The following PTPRD variants were observed in gnomAD, a reference collection of about 807,000 sequenced individuals.
PTPRD encodes the protein receptor-type tyrosine-protein phosphatase delta.
Under a neutral mutation model 214.5 loss-of-function variants are expected in PTPRD, and 34 were observed. The ratio of observed to expected loss-of-function variants is 0.16; its 90% CI spans 0.12 to 0.21. The LOEUF (loss-of-function observed/expected upper bound fraction) is 0.21. Ranked by LOEUF, PTPRD falls within the 10% of genes least tolerant of loss-of-function variation. The pLI is 1.00. For missense variants in PTPRD, 2,545 were observed against 2,398.7 expected (o/e 1.06, Z -1.27); for synonymous variants, 1,128 against 845.7 (o/e 1.33, Z -5.79).
intron 7 of PTPRD, among the ~76,000 whole-genome samples, chr9:9,697,626 G>C (rs1193797928): frequency 3.3e-5 from 5 of 151,888 alleles, no homozygotes; most frequent in African/African-American, 4.8e-5. Context: ...TTTTGTGTTT[G>C]ACCTTTGAGA....
intron 10 of PTPRD, among the ~76,000 whole-genome samples, chr9:9,096,932 A>C (rs918911672): frequency 4.6e-5 from 7 of 152,178 alleles, no homozygotes; most frequent in African/African-American, 1.7e-4. Flanking sequence ...TGCTGAAGTC[A>C]CTGCTTTTAT....
chr9:9,317,856 G>A (rs969583495), intron 9 of PTPRD, among the ~76,000 whole-genome samples: 13 of 151,942 alleles, frequency 8.6e-5, no homozygotes, highest in African/African-American at 2.7e-4. Flanking sequence ...AATCTATCAG[G>A]AAGAAAAACA....
chr9:10,478,060 A>G (rs2099074571), intron 2 of PTPRD, among the ~76,000 whole-genome samples: 1 of 151,994 alleles, frequency 6.6e-6, no homozygotes, highest in Non-Finnish European at 1.5e-5. Context: ...ACAGGTTGAT[A>G]GGTGCAGGAA....
At chr9:10,196,031 A>T (rs1268895475) in intron 3 of PTPRD, among the ~76,000 whole-genome samples, 2 of 152,192 alleles carry the variant, frequency 1.3e-5, no homozygotes, top group Non-Finnish European at 2.9e-5. Context: ...TAGAAAGGCA[A>T]GAAAGAACTC....
intron 10 of PTPRD, among the ~76,000 whole-genome samples, chr9:9,064,852 A>G (rs2099723043): frequency 1.3e-5 from 2 of 152,248 alleles, no homozygotes; most frequent in Non-Finnish European, 2.9e-5. Flanking sequence ...TGAAATAAGC[A>G]AATAGCTTAT....
At chr9:9,968,570 C>A (rs935214310) in intron 4 of PTPRD, among the ~76,000 whole-genome samples, 2 of 152,040 alleles carry the variant, frequency 1.3e-5, no homozygotes, top group Non-Finnish European at 2.9e-5. Flanking sequence ...AAGCAGAGAG[C>A]ACCAAAAAGA....
intron 12 of PTPRD, among the ~76,000 whole-genome samples, chr9:8,714,495 A>T (rs1467074085): frequency 6.6e-6 from 1 of 152,172 alleles, no homozygotes; most frequent in African/African-American, 2.4e-5. Context: ...ACCTCCAGAT[A>T]GCTTGGTGCG....
chr9:8,848,927 A>T (rs985577733), intron 11 of PTPRD, among the ~76,000 whole-genome samples: 1 of 150,796 alleles, frequency 6.6e-6, no homozygotes, highest in African/African-American at 2.4e-5. Context: ...ACTAAAGGTG[A>T]GGTACTGAGC....
chr9:10,437,029 A>G (rs2098723071), intron 2 of PTPRD, among the ~76,000 whole-genome samples: 1 of 151,782 alleles, frequency 6.6e-6, no homozygotes, highest in Non-Finnish European at 1.5e-5. Flanking sequence ...CTGCTGAGAT[A>G]AGTATATATG....
intron 3 of PTPRD, among the ~76,000 whole-genome samples, chr9:10,257,623 G>T (rs1272658266): frequency 6.6e-6 from 1 of 152,120 alleles, no homozygotes; most frequent in Non-Finnish European, 1.5e-5. Flanking sequence ...TTCATCCTTT[G>T]CTTCCTCTCT....
At chr9:9,548,937 C>T (rs991629783) in intron 8 of PTPRD, among the ~76,000 whole-genome samples, 2 of 152,046 alleles carry the variant, frequency 1.3e-5, no homozygotes, top group East Asian at 1.9e-4. Context: ...TTCACTCTTG[C>T]TCTCAGTAAT....
chr9:9,188,592 C>G (rs1197690883), intron 9 of PTPRD, among the ~76,000 whole-genome samples: 1 of 151,932 alleles, frequency 6.6e-6, no homozygotes, highest in Non-Finnish European at 1.5e-5. Context: ...AAGGCTTGGA[C>G]TAGAAAAGGG....
chr9:10,374,133 G>A (rs1052817768), intron 2 of PTPRD, among the ~76,000 whole-genome samples: 2 of 151,950 alleles, frequency 1.3e-5, no homozygotes, highest in East Asian at 1.9e-4. Flanking sequence ...CCTTTTGAGG[G>A]TCCTCTTTGC....
At chr9:9,764,883 C>T (rs1388012439) in intron 6 of PTPRD, among the ~76,000 whole-genome samples, 1 of 152,096 alleles carries the variant, frequency 6.6e-6, no homozygotes, top group Non-Finnish European at 1.5e-5. Flanking sequence ...CCAGAAATAT[C>T]ATTTTCTGGA....
At chr9:9,199,594 G>A (rs765319959) in intron 9 of PTPRD, among the ~76,000 whole-genome samples, 45 of 152,108 alleles carry the variant, frequency 3.0e-4, no homozygotes, top group Non-Finnish European at 6.5e-4. Flanking sequence ...TAAACCTAGA[G>A]AAAGTTTTAG....
chr9:10,036,794 G>C (rs1432163492), intron 3 of PTPRD, among the ~76,000 whole-genome samples: 1 of 152,046 alleles, frequency 6.6e-6, no homozygotes. Flanking sequence ...ATGTTGGCCA[G>C]GATGGTCTCG....
intron 2 of PTPRD, among the ~76,000 whole-genome samples, chr9:10,393,891 T>C (rs550415164): frequency 1.2e-4 from 18 of 148,492 alleles, no homozygotes; most frequent in African/African-American, 3.7e-4. Context: ...AGTGACTAAA[T>C]CCATATTGTG....
chr9:9,012,132 G>C (rs537035064), intron 11 of PTPRD, among the ~76,000 whole-genome samples: 3 of 152,244 alleles, frequency 2.0e-5, no homozygotes, highest in Admixed American at 6.5e-5. Flanking sequence ...CTGGAGCTGA[G>C]AGTAGCCTCT....
At chr9:8,498,220 G>C (rs1269888087) in intron 25 of PTPRD, among the ~76,000 whole-genome samples, 1 of 152,000 alleles carries the variant, frequency 6.6e-6, no homozygotes. Flanking sequence ...AAGACTTTGG[G>C]GGTAAGTACT....
Sources: allele counts gnomAD v4.1 joint callset (sites outside exome capture counted in the v4.1 genomes callset), GRCh38; gene constraint gnomAD v4.1.1; transcripts MANE v1.5; gene names NCBI Gene and HGNC (gene_info 2026-07-23, HGNC 2026-07-21).